The following EYS variants were observed in gnomAD, a reference collection of about 807,000 sequenced individuals.
The protein encoded by EYS is protein eyes shut homolog.
In EYS, 250 loss-of-function variants were observed where a neutral mutation model predicts 282.1. The observed-to-expected ratio is 0.89, with a 90% CI of 0.80 to 0.98. The LOEUF (loss-of-function observed/expected upper bound fraction) is 0.98. EYS is among the 50% of genes least tolerant of loss of function. The pLI, the probability that EYS is intolerant of heterozygous loss-of-function variation, is 0.00. For missense variants in EYS, 4,016 were observed against 3,709.0 expected, an observed-to-expected ratio of 1.08 and a Z score of -2.15; for synonymous variants, 1,355 against 1,282.9, an observed-to-expected ratio of 1.06 and a Z score of -1.20.
chr6:65,457,680 A>T (rs745956572), intron 5 of EYS, among the ~76,000 whole-genome samples: 9 of 152,182 alleles, frequency 5.9e-5, no homozygotes, highest in Admixed American at 3.9e-4. Flanking sequence ...AATAAAAAAA[A>T]ATCAAGTTTA....
intron 31 of EYS, among the ~76,000 whole-genome samples, chr6:64,192,342 C>T (rs1259002870): frequency 2.6e-5 from 4 of 152,100 alleles, no homozygotes; most frequent in Non-Finnish European, 4.4e-5. Flanking sequence ...AATTAGATCC[C>T]ATTTGTCAAT....
At chr6:64,436,928 G>A (rs1228833561) in intron 27 of EYS, among the ~76,000 whole-genome samples, 4 of 151,574 alleles carry the variant, frequency 2.6e-5, no homozygotes, top group Non-Finnish European at 5.9e-5. Context: ...CCCAGAGAGG[G>A]GCTTTAATAT....
At chr6:65,526,333 A>G (rs570506918) in intron 2 of EYS, among the ~76,000 whole-genome samples, 2 of 152,168 alleles carry the variant, frequency 1.3e-5, no homozygotes, top group Non-Finnish European at 2.9e-5. Context: ...TCAGAGATCA[A>G]TTGTAAGTAA....
chr6:63,924,514 A>G (rs775813040), intron 35 of EYS, among the ~76,000 whole-genome samples: 5 of 152,246 alleles, frequency 3.3e-5, no homozygotes, highest in African/African-American at 4.8e-5. Flanking sequence ...CTGGTAGTCA[A>G]TGCAAGGTGT....
At chr6:64,163,930 G>GAA (rs1211039009) in intron 31 of EYS, among the ~76,000 whole-genome samples, 2 of 152,050 alleles carry the variant, frequency 1.3e-5, no homozygotes, top group Non-Finnish European at 2.9e-5. Flanking sequence ...AGTCACATCA[G>GAA]AAAAAGACCA....
chr6:65,359,842 A>T (rs1041693723), intron 8 of EYS, among the ~76,000 whole-genome samples: 2 of 151,644 alleles, frequency 1.3e-5, no homozygotes, highest in African/African-American at 4.8e-5. Flanking sequence ...TCATTTCATC[A>T]TTTTTTTCAG....
At chr6:64,776,019 T>C (rs747366489) in intron 22 of EYS, among the ~76,000 whole-genome samples, 1 of 152,028 alleles carries the variant, frequency 6.6e-6, no homozygotes, top group African/African-American at 2.4e-5. Flanking sequence ...AAACAGGACC[T>C]GCTACAGGAT....
intron 22 of EYS, among the ~76,000 whole-genome samples, chr6:64,796,371 A>G (rs1242671887): frequency 3.9e-5 from 6 of 152,146 alleles, no homozygotes; most frequent in Admixed American, 3.3e-4. Context: ...CTTTTCTACT[A>G]CTACTTCCAG....
At chr6:65,031,851 G>T (rs114890529) in intron 13 of EYS, among the ~76,000 whole-genome samples, 98 of 141,668 alleles carry the variant, frequency 6.9e-4, no homozygotes, top group Non-Finnish European at 1.1e-3. Context: ...AAACCTGAAA[G>T]TTAGCAGAAA....
At chr6:65,241,205 A>G (rs531755139) in intron 12 of EYS, among the ~76,000 whole-genome samples, 25 of 152,264 alleles carry the variant, frequency 1.6e-4, no homozygotes, top group African/African-American at 6.0e-4. Context: ...ATAATATGTT[A>G]AAAGTAAAAT....
At chr6:64,429,517 G>A (rs927482043) in intron 28 of EYS, among the ~76,000 whole-genome samples, 1 of 152,176 alleles carries the variant, frequency 6.6e-6, no homozygotes, top group Admixed American at 6.5e-5. Context: ...TGTAATCCCA[G>A]CTACTCGGGA....
chr6:65,624,539 T>C (rs1180751774), intron 2 of EYS, among the ~76,000 whole-genome samples: 1 of 152,054 alleles, frequency 6.6e-6, no homozygotes, highest in Non-Finnish European at 1.5e-5. Context: ...CCTGGGTGTG[T>C]TTGTGAGGGT....
chr6:64,623,484 A>C (rs1410227457), intron 23 of EYS, among the ~76,000 whole-genome samples: 1 of 152,112 alleles, frequency 6.6e-6, no homozygotes, highest in Non-Finnish European at 1.5e-5. Flanking sequence ...TGAAAACTTA[A>C]TTAGTTAATA....
intron 31 of EYS, among the ~76,000 whole-genome samples, chr6:64,146,307 G>T (rs1316487590): frequency 6.6e-6 from 1 of 152,176 alleles, no homozygotes; most frequent in Non-Finnish European, 1.5e-5. Flanking sequence ...GTCAAAACAT[G>T]AATGTGTCAC....
At chr6:64,314,194 C>CAAA (rs138447983) in intron 29 of EYS, among the ~76,000 whole-genome samples, 14,506 of 27,642 alleles carry the variant, frequency 0.52, 4,803 homozygotes, top group Non-Finnish European at 0.62. Context: ...AAATGGAAAG[C>CAAA]AAAAAAAAAA....
chr6:65,180,456 A>G (rs1221311538), intron 12 of EYS, among the ~76,000 whole-genome samples: 1 of 152,118 alleles, frequency 6.6e-6, no homozygotes, highest in Admixed American at 6.6e-5. Context: ...CCCATTCACA[A>G]TTGCTTCAAA....
chr6:64,581,483 T>C (rs1168447021), intron 26 of EYS, among the ~76,000 whole-genome samples: 3 of 152,184 alleles, frequency 2.0e-5, no homozygotes, highest in Non-Finnish European at 4.4e-5. Flanking sequence ...TATGGTATTT[T>C]ATTTGCTGTT....
chr6:65,619,696 T>C (rs1396405794), intron 2 of EYS, among the ~76,000 whole-genome samples: 2 of 151,506 alleles, frequency 1.3e-5, no homozygotes, highest in Admixed American at 6.6e-5. Context: ...GGGTTTGTCA[T>C]AGATAGCTCT....
At chr6:63,793,273 T>A (rs568011677) in intron 37 of EYS, among the ~76,000 whole-genome samples, 1 of 152,206 alleles carries the variant, frequency 6.6e-6, no homozygotes, top group African/African-American at 2.4e-5. Context: ...AAGTCCACAA[T>A]TCCTTTTCCT....
Sources: gnomAD v4.1 joint callset for allele counts (sites outside exome capture counted in the v4.1 genomes callset) on GRCh38, gnomAD v4.1.1 for gene constraint, MANE v1.5 for transcripts, NCBI Gene and HGNC (gene_info 2026-07-23, HGNC 2026-07-21) for gene names.